Variants in UBE2U observed in about 807,000 individuals in gnomAD.
UBE2U encodes the protein ubiquitin conjugating enzyme E2 U.
A neutral mutation model predicts 41.2 loss-of-function variants in UBE2U; 39 were observed. The observed-to-expected ratio is 0.95, with a 90% CI of 0.73 to 1.24. The LOEUF is 1.24. UBE2U is among the 50% of genes most tolerant of loss of function. The pLI is 0.00. For missense variants in UBE2U, 336 were observed against 363.1 expected, an observed-to-expected ratio of 0.93 and a Z score of 0.61; for synonymous variants, 107 against 117.8, an observed-to-expected ratio of 0.91 and a Z score of 0.60.
intron 8 of UBE2U, among the ~76,000 whole-genome samples, chr1:64,253,371 C>T (rs12137195): frequency 0.22 from 33,778 of 151,984 alleles, 3,947 homozygotes; most frequent in Middle Eastern, 0.35. Context: ...ATTTCCCCAA[C>T]CTGGCAAGAC....
chr1:64,253,579 A>G (rs1377427795), intron 8 of UBE2U, among the ~76,000 whole-genome samples: 1 of 152,010 alleles, frequency 6.6e-6, no homozygotes, highest in Non-Finnish European at 1.5e-5. Context: ...CAGAAACCCT[A>G]CAAACTGGAA....
At chr1:64,259,188 A>G (rs2100541583) in intron 8 of UBE2U, among the ~76,000 whole-genome samples, 1 of 152,094 alleles carries the variant, frequency 6.6e-6, no homozygotes, top group Admixed American at 6.6e-5. Flanking sequence ...TTTCTTATAA[A>G]TTTGTTTAAG....
intron 8 of UBE2U, among the ~76,000 whole-genome samples, chr1:64,256,385 T>C (rs1181221801): frequency 6.6e-6 from 1 of 152,160 alleles, no homozygotes; most frequent in African/African-American, 2.4e-5. Flanking sequence ...AAGGTTACTG[T>C]AACCAAAACA....
rs1301679077 is a variant in UBE2U at position 64,220,913 on chromosome 1, T to C, written c.506+6T>C. On this transcript the variant is annotated splice_donor_region_variant and intron_variant, in intron 6 of 9. Coordinates refer to ENST00000371077, the MANE Select transcript of UBE2U (RefSeq NM_001366232.2). Reference sequence around the variant, plus strand: ...GACCCACGTAAATGTATCAGGTAAGTTTTTCTTTATACAATTTATGTCGAT... The same window carrying C: ...GACCCACGTAAATGTATCAGGTAAGCTTTTCTTTATACAATTTATGTCGAT... The C allele has an allele frequency of 1.9e-6, 3 of 1,595,350 alleles. No individual in the cohort carries two copies. In the South Asian group the frequency reaches 3.4e-5, roughly 18 times the overall value.
At chr1:64,249,587 G>T (rs573571696) in intron 8 of UBE2U, among the ~76,000 whole-genome samples, 1 of 151,622 alleles carries the variant, frequency 6.6e-6, no homozygotes, top group Non-Finnish European at 1.5e-5. Flanking sequence ...AGAAATGGAA[G>T]ATATACCAGT....
chr1:64,239,062 A>AAGAGGAAGAGGAAGAGGAAGAG (rs1644728486), intron 7 of UBE2U, among the ~76,000 whole-genome samples: 2 of 71,322 alleles, frequency 2.8e-5, no homozygotes, highest in African/African-American at 8.9e-5. Flanking sequence ...AAGAAGAAGA[A>AAGAGGAAGAGGAAGAGGAAGAG]GAAGAGGAAG....
chr1:64,239,080 G>GGAA (rs1213860142), intron 7 of UBE2U, among the ~76,000 whole-genome samples: 630 of 54,620 alleles, frequency 0.012, 41 homozygotes, highest in African/African-American at 0.041. Context: ...AAGAGGAAGA[G>GGAA]GAAGAGGAAG....
intron 8 of UBE2U, among the ~76,000 whole-genome samples, chr1:64,257,161 T>A (rs1645106756): frequency 6.6e-6 from 1 of 152,214 alleles, no homozygotes; most frequent in South Asian, 2.1e-4. Context: ...ACACTGTTGG[T>A]GGGTGTGTAA....
chr1:64,218,957 C>T (rs1226408522), intron 5 of UBE2U, among the ~76,000 whole-genome samples: 2 of 152,200 alleles, frequency 1.3e-5, no homozygotes, highest in Non-Finnish European at 2.9e-5. Context: ...TATCCTTCCT[C>T]TCCATTTCTG....
chr1:64,212,900 A>T (rs1360324106), intron 4 of UBE2U, among the ~76,000 whole-genome samples: 1 of 152,212 alleles, frequency 6.6e-6, no homozygotes, highest in African/African-American at 2.4e-5. Context: ...CAAATATATC[A>T]TGGAAAGCCA....
chr1:64,220,595 G>A (rs567665201), intron 5 of UBE2U, among the ~76,000 whole-genome samples: 10 of 152,080 alleles, frequency 6.6e-5, no homozygotes, highest in East Asian at 3.9e-4. Flanking sequence ...TCTGAAGTGC[G>A]AATCCATTTG....
At chr1:64,257,448 C>G (rs540346777) in intron 8 of UBE2U, among the ~76,000 whole-genome samples, 1 of 152,298 alleles carries the variant, frequency 6.6e-6, no homozygotes, top group South Asian at 2.1e-4. Context: ...AGAACGAGAT[C>G]ATGTCCTTTG....
chr1:64,203,707 C>G lies in UBE2U; in HGVS notation c.-344C>G. 4.8e-6 allele frequency: 1 copy of G among 207,572 alleles called. No homozygotes were observed. Among genetic ancestry groups the G allele is most frequent in the Non-Finnish European group, 9.6e-6 (1 of 104,370 alleles). 12.9% of individuals were successfully genotyped at this position (207,572 alleles called of 1,614,324 possible). ...CTGCTAGGACCCTGATAGGCGTACA[C>G]CTCTCACTCCCACTCACGCGCCGAC... On this transcript the variant is annotated 5_prime_UTR_variant, in exon 1 of 10. Transcript: ENST00000371077.
chr1:64,239,157 A>AAGAAGAAAGAAGAAGAAGAAGAAGAAG, intron 7 of UBE2U, among the ~76,000 whole-genome samples: 8 of 37,050 alleles, frequency 2.2e-4, no homozygotes, highest in Admixed American at 6.3e-4. Flanking sequence ...GAAGAAGAAG[A>AAGAAGAAAGAAGAAGAAGAAGAAGAAG]AAGAAGAAGA....
rs56972795 is a variant in UBE2U at position 64,208,603 on chromosome 1, C to CAA, written c.241+1789_241+1790dup. On this transcript the variant is annotated intron_variant, in intron 3 of 9. Transcript: ENST00000371077. Reference sequence around the variant, plus strand: ...TGGGCAACAGAACAAGACGCTGTCTCAAAAAAAAAAAAAAAAAAAAAAAAA... The same window carrying CAA: ...TGGGCAACAGAACAAGACGCTGTCTCAAAAAAAAAAAAAAAAAAAAAAAAAAA... 2.3e-3 allele frequency among the ~76,000 whole-genome samples: 83 copies of CAA among 36,504 alleles called. 6 individuals are homozygous for CAA. Among genetic ancestry groups the CAA allele is most frequent in the South Asian group, 3.5e-3 (2 of 568 alleles). The allele number at this position is 36,504 out of a possible 152,430, so 23.9% of individuals were successfully genotyped here. A position where few individuals can be genotyped will look rare whatever the true frequency, so the allele number is the denominator to read the frequency against.
At chr1:64,249,533 T>C (rs916742079) in intron 8 of UBE2U, among the ~76,000 whole-genome samples, 26 of 151,954 alleles carry the variant, frequency 1.7e-4, no homozygotes, top group African/African-American at 5.5e-4. Flanking sequence ...ATACATCTTA[T>C]AAAATATACT....
intron 1 of UBE2U, among the ~76,000 whole-genome samples, chr1:64,204,531 C>T (rs1044828276): frequency 6.6e-6 from 1 of 152,136 alleles, no homozygotes; most frequent in Non-Finnish European, 1.5e-5. Flanking sequence ...GGTTTTTGGA[C>T]TTCAAAGCCC....
intron 7 of UBE2U, among the ~76,000 whole-genome samples, chr1:64,233,110 C>T (rs982792570): frequency 2.0e-5 from 3 of 152,054 alleles, no homozygotes; most frequent in Admixed American, 6.5e-5. Flanking sequence ...CAGGTTCACG[C>T]CATTCTCCTG....
intron 4 of UBE2U, among the ~76,000 whole-genome samples, chr1:64,214,515 A>T (rs1185896316): frequency 1.3e-5 from 2 of 152,176 alleles, no homozygotes; most frequent in Admixed American, 1.3e-4. Context: ...ATCAACTAAA[A>T]TTTTTATAAT....
Sources: allele counts gnomAD v4.1 joint callset (sites outside exome capture counted in the v4.1 genomes callset), GRCh38; gene constraint gnomAD v4.1.1; transcripts MANE v1.5; gene names NCBI Gene and HGNC (gene_info 2026-07-23, HGNC 2026-07-21).